Variants in IMMP2L observed in about 807,000 individuals in gnomAD.
IMMP2L encodes inner mitochondrial membrane peptidase subunit 2.
IMMP2L carries 18 observed loss-of-function variants against 19.3 expected under a neutral mutation model. The ratio of observed to expected loss-of-function variants is 0.93; its 90% confidence interval spans 0.64 to 1.38. IMMP2L has a LOEUF of 1.38. Ranked by LOEUF, IMMP2L falls within the 40% of genes most tolerant of loss-of-function variation. The pLI is 0.00. For missense variants in IMMP2L, 233 were observed against 218.2 expected, an observed-to-expected ratio of 1.07 and a Z score of -0.43; for synonymous variants, 76 against 73.0, an observed-to-expected ratio of 1.04 and a Z score of -0.21.
At chr7:111,351,183 T>TTTTA (rs963814424) in intron 3 of IMMP2L, among the ~76,000 whole-genome samples, 19 of 152,192 alleles carry the variant, frequency 1.2e-4, no homozygotes, top group Non-Finnish European at 1.9e-4. Flanking sequence ...AGCATTTTTA[T>TTTTA]TTTATTTATT....
intron 3 of IMMP2L, among the ~76,000 whole-genome samples, chr7:111,352,204 A>G (rs971396096): frequency 6.6e-6 from 1 of 152,040 alleles, no homozygotes; most frequent in East Asian, 1.9e-4. Flanking sequence ...TTGACAGGAT[A>G]TGGGAGAAGT....
At chr7:111,485,686 T>G (rs1451761502) in intron 3 of IMMP2L, among the ~76,000 whole-genome samples, 1 of 151,636 alleles carries the variant, frequency 6.6e-6, no homozygotes, top group African/African-American at 2.4e-5. Flanking sequence ...AGAATATTTT[T>G]GAAGTTAATG....
intron 3 of IMMP2L, among the ~76,000 whole-genome samples, chr7:111,188,173 C>G (rs991537450): frequency 2.0e-5 from 3 of 152,082 alleles, no homozygotes; most frequent in African/African-American, 7.2e-5. Context: ...GGCTTAAGTT[C>G]TCTCTTGCTT....
intron 5 of IMMP2L, among the ~76,000 whole-genome samples, chr7:110,791,412 A>AT (rs1800450160): frequency 2.6e-5 from 4 of 151,442 alleles, no homozygotes; most frequent in Admixed American, 1.3e-4. Flanking sequence ...TTTGCCAGGG[A>AT]TTTTTCTTAC....
chr7:111,422,334 T>C (rs905846000), intron 3 of IMMP2L, among the ~76,000 whole-genome samples: 1 of 151,868 alleles, frequency 6.6e-6, no homozygotes, highest in Non-Finnish European at 1.5e-5. Context: ...TTTCATGATA[T>C]TGATTCTTCC....
chr7:110,884,695 C>T (rs77722076), intron 5 of IMMP2L, among the ~76,000 whole-genome samples: 2,683 of 152,150 alleles, frequency 0.018, 80 homozygotes, highest in African/African-American at 0.062. Context: ...TTGCTACAAA[C>T]TTTGTCACAA....
At chr7:111,234,701 TCTTGA>T (rs1436807186) in intron 3 of IMMP2L, among the ~76,000 whole-genome samples, 2 of 152,100 alleles carry the variant, frequency 1.3e-5, no homozygotes, top group Non-Finnish European at 2.9e-5. Context: ...TTATCTGCTT[TCTTGA>T]CTTATTAGCT....
At chr7:111,435,791 C>T (rs558370567) in intron 3 of IMMP2L, among the ~76,000 whole-genome samples, 1 of 151,674 alleles carries the variant, frequency 6.6e-6, no homozygotes, top group East Asian at 1.9e-4. Context: ...ACAGCTTGGG[C>T]ATCTCACTTT....
At chr7:111,485,747 C>T (rs926377134) in intron 3 of IMMP2L, among the ~76,000 whole-genome samples, 2 of 151,172 alleles carry the variant, frequency 1.3e-5, no homozygotes, top group Non-Finnish European at 2.9e-5. Flanking sequence ...TAGTAGTGTG[C>T]TCTTTTTAAT....
intron 5 of IMMP2L, among the ~76,000 whole-genome samples, chr7:110,764,586 T>G (rs1798547229): frequency 6.6e-6 from 1 of 152,094 alleles, no homozygotes; most frequent in South Asian, 2.1e-4. Context: ...AATCCTGTAT[T>G]AAAAAATTGT....
At chr7:110,850,807 T>C (rs149871792) in intron 5 of IMMP2L, among the ~76,000 whole-genome samples, 1 of 151,690 alleles carries the variant, frequency 6.6e-6, no homozygotes, top group African/African-American at 2.4e-5. Flanking sequence ...AAAAGTAATA[T>C]AAAAGATTAA....
At chr7:111,430,499 G>C (rs1836518581) in intron 3 of IMMP2L, among the ~76,000 whole-genome samples, 1 of 151,544 alleles carries the variant, frequency 6.6e-6, no homozygotes, top group Non-Finnish European at 1.5e-5. Flanking sequence ...ATATAATCCT[G>C]TTAGCCTAAA....
intron 3 of IMMP2L, among the ~76,000 whole-genome samples, chr7:111,296,119 A>G (rs994957733): frequency 6.6e-5 from 10 of 151,820 alleles, no homozygotes; most frequent in African/African-American, 2.4e-4. Context: ...AGGAGAAAAT[A>G]TTTGCAATAA....
In IMMP2L at chr7:111,351,431, T is replaced by C. The variant is rs577988097; in HGVS notation, c.239+135807A>G. The stretch of plus-strand genomic sequence containing the variant: ...GTCTTGAACTCCTGACCTCGTGATC[T>C]GCCCACCTCAGCCTCCCAAAGTTCT... On this transcript the variant is annotated intron_variant, in intron 3 of 5. Transcript: ENST00000405709. Among the ~76,000 whole-genome samples, 5 of 152,174 alleles carry C rather than the reference T, an allele frequency of 3.3e-5. No individual in the cohort carries two copies. In the East Asian group the frequency reaches 9.7e-4, roughly 29 times the overall value.
At chr7:111,347,905 G>A (rs1013865920) in intron 3 of IMMP2L, among the ~76,000 whole-genome samples, 1 of 151,568 alleles carries the variant, frequency 6.6e-6, no homozygotes, top group South Asian at 2.1e-4. Context: ...GTTCTATCAA[G>A]ACTGGATTAA....
At chr7:111,382,366 A>G (rs1400973168) in intron 3 of IMMP2L, among the ~76,000 whole-genome samples, 1 of 151,292 alleles carries the variant, frequency 6.6e-6, no homozygotes. Context: ...AAAAAAATCA[A>G]AAAGTATTTG....
chr7:111,297,005 C>T lies in IMMP2L; in HGVS notation c.239+190233G>A, dbSNP rs536691184. 5.3e-5 allele frequency among the ~76,000 whole-genome samples: 8 copies of T among 151,894 alleles called. No individual in the cohort carries two copies. The East Asian group carries it at 1.4e-3, about 26-fold the overall frequency. On this transcript the variant is annotated intron_variant, in intron 3 of 5. Transcript: ENST00000405709. Reference sequence around the variant, plus strand: ...ATGGCAAAATTATGGAGATGAAGAACAGATTAGTGGTTGCCAAGGGCCCAC... The same window carrying T: ...ATGGCAAAATTATGGAGATGAAGAATAGATTAGTGGTTGCCAAGGGCCCAC...
chr7:111,298,488 G>A (rs1197274182), intron 3 of IMMP2L, among the ~76,000 whole-genome samples: 2 of 152,044 alleles, frequency 1.3e-5, no homozygotes, highest in Admixed American at 6.6e-5. Flanking sequence ...GGTGGCTCTC[G>A]CCTGTAATCC....
chr7:111,116,598 C>T (rs1270195119), intron 3 of IMMP2L, among the ~76,000 whole-genome samples: 1 of 152,052 alleles, frequency 6.6e-6, no homozygotes, highest in Non-Finnish European at 1.5e-5. Flanking sequence ...AACTTGAAAA[C>T]AAGAGTAAAA....
Sources: gnomAD v4.1 joint callset for allele counts (sites outside exome capture counted in the v4.1 genomes callset) on GRCh38, gnomAD v4.1.1 for gene constraint, MANE v1.5 for transcripts, NCBI Gene and HGNC (gene_info 2026-07-23, HGNC 2026-07-21) for gene names.